Variants in HMCN1 observed in about 807,000 individuals in gnomAD.
HMCN1 encodes the protein hemicentin 1.
A neutral mutation model predicts 625.9 loss-of-function variants in HMCN1; 321 were observed. That is an observed-to-expected ratio of 0.51 (90% CI 0.47 to 0.56). The LOEUF (loss-of-function observed/expected upper bound fraction) is 0.56, where lower values mean the gene tolerates loss of function less well. HMCN1 is among the 20% of genes least tolerant of loss of function. The probability of loss-of-function intolerance (pLI) is 0.00; values close to 1 mark genes in which losing one functional copy is unlikely to be tolerated. For synonymous variants in HMCN1, 2,425 were observed against 2,417.6 expected, an observed-to-expected ratio of 1.00 and a Z score of -0.09; for missense variants, 6,588 against 6,887.3, an observed-to-expected ratio of 0.96 and a Z score of 1.54.
rs369121322 is a variant in HMCN1 at position 186,125,707 on chromosome 1, C to T, written c.12603C>T (p.Asn4201=). 1.4e-5 allele frequency: 23 copies of T among 1,612,996 alleles called. No homozygotes were observed. The African/African-American group carries it at 2.7e-4, about 19-fold the overall frequency. Residue 4201 remains asparagine (N), a synonymous_variant, in exon 82 of 107, where the codon AAC becomes AAT. Coordinates refer to ENST00000271588, the MANE Select transcript of HMCN1 (RefSeq NM_031935.3). ...VADGIPTPAI[N]WKKDNVLLAN... ...ATGGAATCCCCACACCAGCAATTAA[C>T]TGGAAAAAAGACAATGTTCTTTTAG...
chr1:185,938,319 A>G (rs1392379018), intron 11 of HMCN1, among the ~76,000 whole-genome samples: 2 of 152,184 alleles, frequency 1.3e-5, no homozygotes, highest in East Asian at 3.9e-4. Flanking sequence ...TGATATTACT[A>G]GTAGGAAGAA....
rs910385414 is a variant in HMCN1, at chr1:185,994,903, T to C, written c.3594T>C (p.Pro1198=). Residue 1198 remains proline, a synonymous_variant, in exon 24 of 107, where the codon CCT becomes CCC. Coordinates refer to ENST00000271588, the MANE Select transcript of HMCN1 (RefSeq NM_031935.3). ...TTCCATGTAATGCTCAAGGGACTCC[T>C]CTTCCTGTAATCACCTGGTCCAAAG... is the stretch of plus-strand genomic sequence containing the variant. The part of the protein sequence containing the change: ...VDIPCNAQGT[P]LPVITWSKGG... 6.8e-6 allele frequency: 11 copies of C among 1,613,908 alleles called. No individual in the cohort carries two copies. Among genetic ancestry groups the C allele is most frequent in the Non-Finnish European group, 9.3e-6 (11 of 1,179,822 alleles).
chr1:185,933,427 C>T lies in HMCN1; in HGVS notation c.1553-122C>T, dbSNP rs1667651044. 3.3e-6 allele frequency: 3 copies of T among 917,314 alleles called. No individual in the cohort carries two copies. The South Asian group carries it at 4.2e-5, about 13-fold the overall frequency. The allele number at this position is 917,314 out of a possible 1,614,324, so 56.8% of individuals were successfully genotyped here. On this transcript the variant is annotated intron_variant, in intron 10 of 106. Coordinates refer to ENST00000271588, the MANE Select transcript of HMCN1 (RefSeq NM_031935.3). ...GACATATGCATTAATTGAGTAAGTT[C>T]TGTTGCACTGCATCTTTCCTACTGG...
chr1:185,863,517 A>T (rs1051139445), intron 2 of HMCN1, among the ~76,000 whole-genome samples: 1 of 152,230 alleles, frequency 6.6e-6, no homozygotes, highest in Admixed American at 6.5e-5. Context: ...GAATATAGAC[A>T]TAATAGAATG....
At position 186,130,570 on chromosome 1, in the gene HMCN1, T is replaced by C; in HGVS notation, c.13103T>C (p.Ile4368Thr). The change falls in exon 85 of 107, where the codon ATC becomes ACC. Residue 4368 changes from isoleucine to threonine, a missense_variant. By Grantham distance (89) the Ile-to-Thr change is moderately conservative. Around this residue, in one of 3 missense-constraint regions of HMCN1, gnomAD observed 1,954 missense variants for 2,013.1 expected, o/e 0.97. Transcript: ENST00000271588. ...ATTGAACCACTTGGTGGGAATGCAA[T>C]CCTGAATTGTGAGGTGAAAGGAGAC... The part of the protein sequence containing the change: ...NWIEPLGGNA[I>T]LNCEVKGDPT... The C allele has an allele frequency of 6.2e-7, 1 of 1,613,576 alleles. No homozygotes were observed. The highest frequency in any genetic ancestry group is 8.5e-7 in the Non-Finnish European group (1 of 1,179,642).
chr1:185,832,811 A>G (rs973011061), intron 1 of HMCN1, among the ~76,000 whole-genome samples: 4 of 152,336 alleles, frequency 2.6e-5, no homozygotes, highest in Non-Finnish European at 1.5e-5. Flanking sequence ...CAAAATTGCT[A>G]TAAGAAACTT....
At chr1:186,063,807 C>G (rs1327325870) in intron 48 of HMCN1, among the ~76,000 whole-genome samples, 1 of 152,122 alleles carries the variant, frequency 6.6e-6, no homozygotes, top group Non-Finnish European at 1.5e-5. Context: ...AATAAAAATT[C>G]TAAAACCAGT....
At chr1:185,942,225 G>T (rs1553261694) in intron 11 of HMCN1, among the ~76,000 whole-genome samples, 1 of 150,798 alleles carries the variant, frequency 6.6e-6, no homozygotes, top group Non-Finnish European at 1.5e-5. Context: ...AAGAAAAAAA[G>T]GATATGAATG....
chr1:186,152,805 G>C lies in HMCN1; in HGVS notation c.14952G>C (p.Leu4984Phe), dbSNP rs61749581. ...IARGLDSDGS[L>F]LLDIVVSGYV... ...GGGGCTTGGATTCCGATGGTTCTTT[G>C]CTGCTAGATATCGTTGTGAGTGGCT... Residue 4984 changes from leucine to phenylalanine, a missense_variant, in exon 96 of 107, where the codon TTG becomes TTC. Physicochemically the swap from Leu to Phe is conservative, Grantham distance 22. Transcript: ENST00000271588. 2.0e-5 allele frequency: 32 copies of C among 1,613,890 alleles called. No individual in the cohort carries two copies. The highest frequency in any genetic ancestry group is 2.5e-5 in the Non-Finnish European group (30 of 1,179,916).
At chr1:185,749,831 A>G (rs374424683) in intron 1 of HMCN1, among the ~76,000 whole-genome samples, 1 of 152,194 alleles carries the variant, frequency 6.6e-6, no homozygotes, top group African/African-American at 2.4e-5. Flanking sequence ...TATTCACATC[A>G]CTTTAAGCAT....
At chr1:185,739,607 C>A (rs913488116) in intron 1 of HMCN1, among the ~76,000 whole-genome samples, 12 of 152,128 alleles carry the variant, frequency 7.9e-5, no homozygotes, top group Non-Finnish European at 1.5e-5. Flanking sequence ...CCCAGGATAT[C>A]TTACATGAGT....
chr1:185,825,145 T>G (rs548078061), intron 1 of HMCN1, among the ~76,000 whole-genome samples: 109 of 152,232 alleles, frequency 7.2e-4, no homozygotes, highest in Non-Finnish European at 1.3e-3. Context: ...TGCTAGTTGT[T>G]TACACAGATA....
intron 15 of HMCN1, among the ~76,000 whole-genome samples, chr1:185,977,087 G>T (rs187185711): frequency 1.3e-5 from 2 of 152,024 alleles, no homozygotes; most frequent in African/African-American, 4.8e-5. Context: ...CCTGAATTAC[G>T]TGGATATCTG....
intron 20 of HMCN1, 120 bp from the exon 21 acceptor site, chr1:185,989,368 C>G (rs1322290620): frequency 1.8e-6 from 2 of 1,133,110 alleles, no homozygotes; most frequent in African/African-American, 3.1e-5. Flanking sequence ...AAAATTTACT[C>G]TATTCCCCTC....
chr1:185,777,098 A>G (rs1302868467), intron 1 of HMCN1, among the ~76,000 whole-genome samples: 2 of 152,116 alleles, frequency 1.3e-5, no homozygotes, highest in East Asian at 3.9e-4. Context: ...ATTTTGCATA[A>G]TTTTCAATAC....
At chr1:185,874,145 AT>A (rs1317728086) in intron 4 of HMCN1, among the ~76,000 whole-genome samples, 1 of 152,022 alleles carries the variant, frequency 6.6e-6, no homozygotes, top group African/African-American at 2.4e-5. Context: ...TGAAGGTCTT[AT>A]TTTAAATATT....
chr1:186,022,837 T>C (rs1654806957), intron 35 of HMCN1, among the ~76,000 whole-genome samples, 193 bp from the exon 36 acceptor site: 1 of 152,146 alleles, frequency 6.6e-6, no homozygotes. Context: ...AGAAAAGGCT[T>C]TTCAATCAAA....
chr1:185,816,607 A>G (rs1373228579), intron 1 of HMCN1, among the ~76,000 whole-genome samples: 1 of 152,246 alleles, frequency 6.6e-6, no homozygotes, highest in Admixed American at 6.5e-5. Flanking sequence ...AGCTTGGAAC[A>G]TAACATGGAA....
chr1:185,771,664 TG>T (rs1656248726), intron 1 of HMCN1, among the ~76,000 whole-genome samples: 1 of 152,194 alleles, frequency 6.6e-6, no homozygotes, highest in Non-Finnish European at 1.5e-5. Flanking sequence ...AGTCACTGAT[TG>T]GATTTGTACC....
Sources: allele counts gnomAD v4.1 joint callset (sites outside exome capture counted in the v4.1 genomes callset), GRCh38; gene constraint gnomAD v4.1.1; regional missense constraint gnomAD v4.1.1; transcripts MANE v1.5; gene names NCBI Gene and HGNC (gene_info 2026-07-23, HGNC 2026-07-21).